GATAD2A: variants seen among roughly 807,000 people sequenced by gnomAD.
GATAD2A encodes the protein transcriptional repressor p66-alpha.
Under a neutral mutation model 68.5 loss-of-function variants are expected in GATAD2A, and 12 were observed. The observed-to-expected ratio is 0.18, with a 90% CI of 0.11 to 0.28. The LOEUF (loss-of-function observed/expected upper bound fraction) is 0.28. GATAD2A is among the 10% of genes least tolerant of loss of function. GATAD2A has a pLI of 1.00. For missense variants in GATAD2A, 755 were observed against 868.5 expected, an observed-to-expected ratio of 0.87 and a Z score of 1.64; for synonymous variants, 410 against 375.3, an observed-to-expected ratio of 1.09 and a Z score of -1.07.
rs546584568 is a variant in GATAD2A, at chr19:19,471,778, T to TAG, written c.269+6166_269+6167dup. Among the ~76,000 whole-genome samples, 52 of 152,104 alleles carry TAG rather than the reference T, an allele frequency of 3.4e-4. 1 individual carries two copies. In the South Asian group the frequency reaches 0.011, roughly 32 times the overall value. On this transcript the variant is annotated intron_variant, in intron 2 of 11. Transcript: ENST00000683918. ...CACAGAAAAACAAAACCCGCAGAGG[T>TAG]AGAAGTTGTGAGTCTGTTGGTTTTG...
chr19:19,445,073 C>T (rs2055556577), intron 1 of GATAD2A, among the ~76,000 whole-genome samples: 1 of 152,012 alleles, frequency 6.6e-6, no homozygotes, highest in Non-Finnish European at 1.5e-5. Flanking sequence ...TTCTCATACT[C>T]CCAGGCATTG....
At chr19:19,399,187 A>G (rs1236360291) in intron 1 of GATAD2A, among the ~76,000 whole-genome samples, 1 of 151,818 alleles carries the variant, frequency 6.6e-6, no homozygotes, top group Non-Finnish European at 1.5e-5. Context: ...TCATGCCACC[A>G]CACTCCAGCC....
At chr19:19,495,613 T>C (rs559333807) in intron 5 of GATAD2A, 141 bp from the exon 6 acceptor site, 1 of 805,574 alleles carries the variant, frequency 1.2e-6, no homozygotes, top group South Asian at 2.1e-5. Flanking sequence ...ATCCATAATT[T>C]TCTTTAACTT....
At chr19:19,394,538 C>T (rs1449459328) in intron 1 of GATAD2A, among the ~76,000 whole-genome samples, 1 of 151,602 alleles carries the variant, frequency 6.6e-6, no homozygotes, top group South Asian at 2.1e-4. Flanking sequence ...CTCTGCCTCC[C>T]AGGTTCAAGC....
chr19:19,458,282 G>T (rs1223505263), intron 1 of GATAD2A, among the ~76,000 whole-genome samples: 1 of 152,184 alleles, frequency 6.6e-6, no homozygotes, highest in African/African-American at 2.4e-5. Flanking sequence ...CCCCTGCCTG[G>T]AACGTCTCGC....
At chr19:19,449,315 T>C (rs2056109973) in intron 1 of GATAD2A, among the ~76,000 whole-genome samples, 1 of 151,350 alleles carries the variant, frequency 6.6e-6, no homozygotes, top group African/African-American at 2.4e-5. Flanking sequence ...CTACCAGAGC[T>C]GCTCTCCACT....
At chr19:19,469,754 C>T (rs369668990) in intron 2 of GATAD2A, among the ~76,000 whole-genome samples, 15 of 152,142 alleles carry the variant, frequency 9.9e-5, no homozygotes, top group African/African-American at 3.4e-4. Context: ...ATAGCAGCCC[C>T]TGGCCAATAT....
At chr19:19,465,753 T>C in intron 2 of GATAD2A, 139 bp downstream of exon 2, 2 of 1,009,946 alleles carry the variant, frequency 2.0e-6, no homozygotes, top group Non-Finnish European at 2.8e-6. Flanking sequence ...AGCTCGGGCA[T>C]CACCCACCAC....
At chr19:19,446,193 T>A (rs2055699564) in intron 1 of GATAD2A, among the ~76,000 whole-genome samples, 1 of 152,242 alleles carries the variant, frequency 6.6e-6, no homozygotes, top group South Asian at 2.1e-4. Flanking sequence ...TACCAATACT[T>A]AATTGGCTTT....
At chr19:19,418,642 C>T (rs2051945750) in intron 1 of GATAD2A, among the ~76,000 whole-genome samples, 4 of 152,084 alleles carry the variant, frequency 2.6e-5, no homozygotes, top group Non-Finnish European at 2.9e-5. Context: ...CCAGAAAGAC[C>T]CAGAGCGATT....
At chr19:19,475,096 C>T (rs957609299) in intron 2 of GATAD2A, among the ~76,000 whole-genome samples, 1 of 152,236 alleles carries the variant, frequency 6.6e-6, no homozygotes, top group Non-Finnish European at 1.5e-5. Flanking sequence ...GTCTTCACAG[C>T]GATGTGCAGA....
In GATAD2A at chr19:19,501,373, C is replaced by T. The variant is rs567103095; in HGVS notation, c.1460C>T (p.Ala487Val). 4 of 1,609,744 alleles carry T rather than the reference C, an allele frequency of 2.5e-6. No individual in the cohort carries two copies. The African/African-American group carries it at 4.0e-5, about 16-fold the overall frequency. The change falls in exon 9 of 12, where the codon GCC becomes GTC. Residue 487 changes from alanine (A) to valine (V), a missense_variant. Ala to Val is a moderately conservative substitution (Grantham distance 64). Transcript: ENST00000683918. ...LLQQGTAPAQ[A>V]KAEPTAAPHP... ...CAGCAGGGCACGGCCCCTGCACAGG[C>T]CAAGGCCGAGCCCACCGCTGCCCCA...
chr19:19,465,625 G>A lies in GATAD2A; in HGVS notation c.269+11G>A, dbSNP rs538845588. ...GCGCACCTCACACAGGTGAGTGGGAGGAGCCAGCGGGAGGGGCTGGAACCT... is the reference window on the plus strand; with the variant it reads ...GCGCACCTCACACAGGTGAGTGGGAAGAGCCAGCGGGAGGGGCTGGAACCT... On this transcript the variant is annotated intron_variant, in intron 2 of 11. Transcript: ENST00000683918. 2.7e-5 allele frequency: 43 copies of A among 1,589,664 alleles called. No individual in the cohort carries two copies. The African/African-American group carries it at 5.1e-4, about 19-fold the overall frequency.
chr19:19,467,258 C>T (rs979596259), intron 2 of GATAD2A, among the ~76,000 whole-genome samples: 2 of 152,096 alleles, frequency 1.3e-5, no homozygotes, highest in African/African-American at 4.8e-5. Context: ...TGCCTGTAGT[C>T]CCAGTGACTT....
chr19:19,506,001 T>C lies in GATAD2A; in HGVS notation c.*527T>C, dbSNP rs963003645. ...TTTTTTTTTTTTAATCACCTCATGATGATGGAGTTAAAAGTAAACCGTGCA... is the reference window on the plus strand; with the variant it reads ...TTTTTTTTTTTTAATCACCTCATGACGATGGAGTTAAAAGTAAACCGTGCA... On this transcript the variant is annotated 3_prime_UTR_variant, in exon 12 of 12. Coordinates refer to ENST00000683918, the MANE Select transcript of GATAD2A (RefSeq NM_001384528.1). The C allele has an allele frequency of 1.0e-5, 4 of 398,734 alleles. No homozygotes were observed. The highest frequency in any genetic ancestry group is 4.1e-5 in the African/African-American group (2 of 48,492). 24.7% of individuals were successfully genotyped at this position (398,734 alleles called of 1,614,324 possible).
intron 1 of GATAD2A, among the ~76,000 whole-genome samples, chr19:19,421,004 G>A (rs759161887): frequency 5.9e-4 from 90 of 152,182 alleles, no homozygotes; most frequent in African/African-American, 1.8e-3. Flanking sequence ...TCAGAAGTGC[G>A]CTTTTCTCTA....
chr19:19,495,297 TTTTTTTTC>T (rs754195537), intron 5 of GATAD2A, among the ~76,000 whole-genome samples: 28 of 149,054 alleles, frequency 1.9e-4, no homozygotes, highest in East Asian at 1.2e-3. Flanking sequence ...CCCAGCCAGC[TTTTTTTTC>T]TTTTTTTCTT....
At chr19:19,494,438 G>A in intron 5 of GATAD2A, 55 bp downstream of exon 5, 2 of 1,131,392 alleles carry the variant, frequency 1.8e-6, no homozygotes, top group Non-Finnish European at 2.7e-6. Flanking sequence ...CTGCTGTCAA[G>A]CACAGGCTCC....
chr19:19,488,047 A>T (rs935352242), intron 2 of GATAD2A, among the ~76,000 whole-genome samples: 4 of 152,228 alleles, frequency 2.6e-5, no homozygotes. Flanking sequence ...GGTCATGGTC[A>T]TCCCTAACTT....
Sources: allele counts gnomAD v4.1 joint callset (sites outside exome capture counted in the v4.1 genomes callset), GRCh38; gene constraint gnomAD v4.1.1; transcripts MANE v1.5; gene names NCBI Gene and HGNC (gene_info 2026-07-23, HGNC 2026-07-21).